Variants in DLK2 observed in about 807,000 individuals in gnomAD.
DLK2 encodes the protein delta like non-canonical Notch ligand 2, also known as protein delta homolog 2.
In DLK2, 9 loss-of-function variants were observed where a neutral mutation model predicts 31.3. The observed-to-expected ratio is 0.29, with a 90% CI of 0.17 to 0.50. The LOEUF is 0.50. Ranked by LOEUF, DLK2 falls within the 20% of genes least tolerant of loss-of-function variation. The pLI, the probability that DLK2 is intolerant of heterozygous loss-of-function variation, is 0.98. For synonymous variants in DLK2, 169 were observed against 201.2 expected, an observed-to-expected ratio of 0.84 and a Z score of 1.35; for missense variants, 387 against 526.1, an observed-to-expected ratio of 0.74 and a Z score of 2.59.
upstream of DLK2, chr6:43,456,612 G>A (rs1354551353): frequency 6.6e-6 from 1 of 152,142 alleles, no homozygotes; most frequent in Non-Finnish European, 1.5e-5. Flanking sequence ...CTACTCGGAA[G>A]GCTGAGGCAG....
Position 43,450,652 on chromosome 6 carries a change from G to C in DLK2, c.1039C>G (p.Pro347Ala), listed in dbSNP as rs1783661544. 3.7e-6 allele frequency: 6 copies of C among 1,613,694 alleles called. No homozygotes were observed. Among genetic ancestry groups the C allele is most frequent in the Non-Finnish European group, 4.2e-6 (5 of 1,179,898 alleles). Reference sequence around the variant, plus strand: ...TCCTGGCACGCTGGAGCATAGTGTGGGGCAGGGTAGCAACAGGGTCCAGGG... The same window carrying C: ...TCCTGGCACGCTGGAGCATAGTGTGCGGCAGGGTAGCAACAGGGTCCAGGG... ...CPPGPCCYPA[P>A]HYAPACQDQE... is the part of the protein sequence containing the mutation. The change falls in exon 6 of 6, where the codon CCA (proline) becomes GCA (alanine). Residue 347 changes from proline (P) to alanine (A), a missense_variant. By Grantham distance (27) the Pro-to-Ala change is conservative (BLOSUM62 -1). Coordinates refer to ENST00000372488, the MANE Select transcript of DLK2 (RefSeq NM_023932.4). This position sits in a 1 kb window ranked among gnomAD's most constrained non-coding sequence, Gnocchi z 4.5.
In DLK2 at chr6:43,451,792, A is replaced by G; in HGVS notation, c.416+148T>C. 1.4e-6 allele frequency: 2 copies of G among 1,421,774 alleles called. No homozygotes were observed. The highest frequency in any genetic ancestry group is 3.1e-5 in the South Asian group (2 of 63,858). The allele number at this position is 1,421,774 out of a possible 1,614,324, so 88.1% of individuals were successfully genotyped here. A position where few individuals can be genotyped will look rare whatever the true frequency, so the allele number is the denominator to read the frequency against. Reference sequence around the variant, plus strand: ...AAAGTTGAGAAACCCTGAACTAGGAACACTTTGGCATGCAGGGGTTTTATC... The same window carrying G: ...AAAGTTGAGAAACCCTGAACTAGGAGCACTTTGGCATGCAGGGGTTTTATC... On this transcript the variant is annotated intron_variant, in intron 5 of 5. Coordinates refer to ENST00000372488, the MANE Select transcript of DLK2 (RefSeq NM_023932.4). The surrounding 1 kb of genome is among the most constrained non-coding windows in gnomAD (Gnocchi z 4.4).
At position 43,450,911 on chromosome 6, in the gene DLK2, C is replaced by T; in HGVS notation, c.780G>A (p.Val260=). Residue 260 remains valine, a synonymous_variant, in exon 6 of 6, where the codon GTG becomes GTA. Coordinates refer to ENST00000372488, the MANE Select transcript of DLK2 (RefSeq NM_023932.4). The surrounding 1 kb of genome is among the most constrained non-coding windows in gnomAD (Gnocchi z 4.5). ...VLPVPDPPTT[V]DTPLGPTSAV... ...CTGAGGTGGGCCCTAGAGGGGTGTC[C>T]ACTGTGGTTGGGGGGTCTGGGACAG... 1.2e-6 allele frequency: 2 copies of T among 1,614,196 alleles called. No homozygotes were observed. Among genetic ancestry groups the T allele is most frequent in the Non-Finnish European group, 1.7e-6 (2 of 1,180,018 alleles).
rs768826944 is a variant in DLK2, at chr6:43,451,302, T to A, written c.417-28A>T. Reference sequence around the variant, plus strand: ...GTGGTAGGGGTGAGAGAGGACATGATAACCAACTTACCAACACCTGTAGGG... The same window carrying A: ...GTGGTAGGGGTGAGAGAGGACATGAAAACCAACTTACCAACACCTGTAGGG... On this transcript the variant is annotated intron_variant, in intron 5 of 5. Transcript: ENST00000372488. This position sits in a 1 kb window ranked among gnomAD's most constrained non-coding sequence, Gnocchi z 4.4. The A allele has an allele frequency of 4.2e-5, 67 of 1,602,620 alleles. No individual in the cohort carries two copies. Among genetic ancestry groups the A allele is most frequent in the Non-Finnish European group, 5.6e-5 (66 of 1,173,762 alleles).
intron 3 of DLK2, 30 bp downstream of exon 3, chr6:43,454,381 G>A: frequency 6.3e-7 from 1 of 1,593,696 alleles, no homozygotes; most frequent in Non-Finnish European, 8.5e-7. Context: ...GGTACCAAAG[G>A]GTTTGGGGGC....
At chr6:43,454,655 G>C in intron 2 of DLK2, 95 bp downstream of exon 2, 2 of 1,467,518 alleles carry the variant, frequency 1.4e-6, no homozygotes, top group Non-Finnish European at 9.2e-7. Context: ...CCGCGGGTCG[G>C]AGCGACTGCA....
Position 43,450,959 on chromosome 6 carries a change from G to A in DLK2, c.732C>T (p.Gly244=). The A allele has an allele frequency of 6.2e-7, 1 of 1,614,218 alleles. No individual in the cohort carries two copies. Among genetic ancestry groups the A allele is most frequent in the Non-Finnish European group, 8.5e-7 (1 of 1,180,024 alleles). The change falls in exon 6 of 6, where the codon GGC becomes GGT. Residue 244 remains glycine (G), a synonymous_variant. Transcript: ENST00000372488. The surrounding 1 kb of genome is among the most constrained non-coding windows in gnomAD (Gnocchi z 4.5). ...CAGGTAAGACAAGCTCACAGGTCTT[G>A]CCACCATAGCCACTGGGGCAGAGGC... ...FDCLCPSGYG[G]KTCELVLPVP...
chr6:43,454,640 T>TA, intron 2 of DLK2, 110 bp downstream of exon 2: 1 of 1,429,866 alleles, frequency 7.0e-7, no homozygotes, highest in Admixed American at 2.1e-5. Flanking sequence ...TCGGTCTTGC[T>TA]TGCCCCGCGG....
chr6:43,452,438 C>T (rs768674626), intron 4 of DLK2, among the ~76,000 whole-genome samples: 8 of 151,908 alleles, frequency 5.3e-5, no homozygotes, highest in Non-Finnish European at 7.4e-5. Context: ...AACATTAGGC[C>T]GGTACAGTGG....
In DLK2 at chr6:43,450,917, G is replaced by A. The variant is rs1011413810; in HGVS notation, c.774C>T (p.Thr258=). Residue 258 remains threonine, a synonymous_variant, in exon 6 of 6, where the codon ACC becomes ACT. Transcript: ENST00000372488. This position sits in a 1 kb window ranked among gnomAD's most constrained non-coding sequence, Gnocchi z 4.5. ...TGGGCCCTAGAGGGGTGTCCACTGT[G>A]GTTGGGGGGTCTGGGACAGGTAAGA... is the stretch of plus-strand genomic sequence containing the variant. The part of the protein sequence containing the change: ...ELVLPVPDPP[T]TVDTPLGPTS... 6.2e-7 allele frequency: 1 copy of A among 1,614,222 alleles called. No individual in the cohort carries two copies. The highest frequency in any genetic ancestry group is 1.3e-5 in the African/African-American group (1 of 75,078).
At chr6:43,454,984 A>G in intron 1 of DLK2, 104 bp from the exon 2 acceptor site, 1 of 1,443,664 alleles carries the variant, frequency 6.9e-7, no homozygotes, top group South Asian at 1.4e-5. Flanking sequence ...GCCGGGACAG[A>G]AGAAGGGGAT....
rs139581243 is a variant in DLK2, at chr6:43,451,887, C to T, written c.416+53G>A. On this transcript the variant is annotated intron_variant, in intron 5 of 5. Coordinates refer to ENST00000372488, the MANE Select transcript of DLK2 (RefSeq NM_023932.4). The surrounding 1 kb of genome is among the most constrained non-coding windows in gnomAD (Gnocchi z 4.4). ...AACAGTCCTGCCTCTTTTCTCATCC[C>T]ATCACCAGGTTCTGGTCTAACCTTC... is the stretch of plus-strand genomic sequence containing the variant. 1.2e-4 allele frequency: 189 copies of T among 1,605,730 alleles called. No homozygotes were observed. The African/African-American group carries it at 2.3e-3, about 19-fold the overall frequency.
Position 43,450,597 on chromosome 6 carries a change from G to A in DLK2, c.1094C>T (p.Ala365Val), listed in dbSNP as rs769890654. 4.4e-6 allele frequency: 7 copies of A among 1,596,808 alleles called. No homozygotes were observed. The highest frequency in any genetic ancestry group is 1.3e-5 in the African/African-American group (1 of 74,856). ...CAAGTCACGTGGCAGGGGGAGCCCT[G>A]CTGGCAGCATGCTAACCTGACACTC... ...DQECQVSMLPAGLPLPRDLPP... is the reference protein window; with the variant it reads ...DQECQVSMLPVGLPLPRDLPP... The change falls in exon 6 of 6, where the codon GCA (alanine) becomes GTA (valine). Residue 365 changes from alanine (A) to valine (V), a missense_variant. Coordinates refer to ENST00000372488, the MANE Select transcript of DLK2 (RefSeq NM_023932.4). The surrounding 1 kb of genome is among the most constrained non-coding windows in gnomAD (Gnocchi z 4.5).
chr6:43,454,554 G>A, intron 2 of DLK2, 80 bp from the exon 3 acceptor site: 2 of 1,450,968 alleles, frequency 1.4e-6, no homozygotes, highest in Non-Finnish European at 1.9e-6. Flanking sequence ...AGAGGATTGG[G>A]GTTCCAGTAA....
In DLK2 at chr6:43,452,020, G is replaced by GC. The variant is rs1389686830; in HGVS notation, c.335dup (p.Gly113ArgfsTer2). 6.2e-7 allele frequency: 1 copy of GC among 1,614,032 alleles called. No homozygotes were observed. ...GTAAGCACACACAATGGTACTCACCGCCCCCGTCATACATGCACTGGCCTC... is the reference window on the plus strand; with the variant it reads ...GTAAGCACACACAATGGTACTCACCGCCCCCCGTCATACATGCACTGGCCTC... On this transcript the variant is annotated frameshift_variant, in exon 5 of 6. Coordinates refer to ENST00000372488, the MANE Select transcript of DLK2 (RefSeq NM_023932.4). LOFTEE classifies it high-confidence loss of function.
At position 43,454,871 on chromosome 6, in the gene DLK2, G is replaced by C; in HGVS notation, c.-46C>G. 6.5e-7 allele frequency: 1 copy of C among 1,534,736 alleles called. No individual in the cohort carries two copies. Among genetic ancestry groups the C allele is most frequent in the Non-Finnish European group, 8.7e-7 (1 of 1,146,256 alleles). The stretch of plus-strand genomic sequence containing the variant: ...GGGACGGACGGATGGACGGCCGGAC[G>C]CGTGGACACCTGTGGGACGGCACCG... On this transcript the variant is annotated 5_prime_UTR_variant, in exon 2 of 6. Transcript: ENST00000372488.
chr6:43,456,603 T>C (rs1284233185), upstream of DLK2: 1 of 151,994 alleles, frequency 6.6e-6, no homozygotes, highest in Non-Finnish European at 1.5e-5. Context: ...TAATCCCAGC[T>C]ACTCGGAAGG....
At position 43,451,191 on chromosome 6, in the gene DLK2, A is replaced by G. The variant is rs760025150; in HGVS notation, c.500T>C (p.Val167Ala). 14 of 1,614,088 alleles carry G rather than the reference A, an allele frequency of 8.7e-6. No homozygotes were observed. The East Asian group carries it at 2.5e-4, about 28-fold the overall frequency. Residue 167 changes from valine (V) to alanine (A), a missense_variant, in exon 6 of 6, where the codon GTG (valine) becomes GCG (alanine). Coordinates refer to ENST00000372488, the MANE Select transcript of DLK2 (RefSeq NM_023932.4). The surrounding 1 kb of genome is among the most constrained non-coding windows in gnomAD (Gnocchi z 4.4). ...CACATTTACCTCACAGCGGGCACCC[A>G]CAAAGCCCACCAAGCAGCGGCACGT... is the stretch of plus-strand genomic sequence containing the variant. ...NFTCRCLVGF[V>A]GARCEVNVDD...
At position 43,453,657 on chromosome 6, in the gene DLK2, G is replaced by T. The variant is rs1783862821; in HGVS notation, c.141-522C>A. Among the ~76,000 whole-genome samples the T allele has an allele frequency of 6.6e-6, 1 of 152,120 alleles. No homozygotes were observed. The highest frequency in any genetic ancestry group is 6.6e-5 in the Admixed American group (1 of 15,260). On this transcript the variant is annotated intron_variant, in intron 3 of 5. Coordinates refer to ENST00000372488, the MANE Select transcript of DLK2 (RefSeq NM_023932.4). The surrounding 1 kb of genome is among the most constrained non-coding windows in gnomAD (Gnocchi z 4.1). The stretch of plus-strand genomic sequence containing the variant: ...AAAATACAAAAAATTACCCGGGCAT[G>T]GTGGTGTGCATCTGTAATCCATTAT...
Sources: gnomAD v4.1 joint callset for allele counts (sites outside exome capture counted in the v4.1 genomes callset) on GRCh38, gnomAD v4.1.1 for gene constraint, Gnocchi (gnomAD v3.1) non-coding constraint, MANE v1.5 for transcripts, NCBI Gene and HGNC (gene_info 2026-07-23, HGNC 2026-07-21) for gene names.